The following FSD2 variants were observed in gnomAD, a reference collection of about 807,000 sequenced individuals.
FSD2 encodes fibronectin type III and SPRY domain containing 2.
In FSD2, 71 loss-of-function variants were observed where a neutral mutation model predicts 80.4. That is an observed-to-expected ratio of 0.88 (90% confidence interval 0.73 to 1.08). The LOEUF is 1.08. FSD2 is among the 50% of genes least tolerant of loss of function. The pLI is 0.00. For missense variants in FSD2, 923 were observed against 913.8 expected, an observed-to-expected ratio of 1.01 and a Z score of -0.13; for synonymous variants, 361 against 329.5, an observed-to-expected ratio of 1.10 and a Z score of -1.03.
At chr15:82,766,364 C>G (rs1247772145) in intron 9 of FSD2, among the ~76,000 whole-genome samples, 1 of 152,156 alleles carries the variant, frequency 6.6e-6, no homozygotes, top group Non-Finnish European at 1.5e-5. Flanking sequence ...TCCAGTGTGT[C>G]TCTGTCCGTC....
At chr15:82,804,146 T>G (rs945176543) in intron 1 of FSD2, among the ~76,000 whole-genome samples, 45 of 151,974 alleles carry the variant, frequency 3.0e-4, no homozygotes, top group African/African-American at 1.1e-3. Flanking sequence ...CACAGCAGTG[T>G]GGAATCATCC....
At position 82,778,279 on chromosome 15, in the gene FSD2, A is replaced by G. The variant is rs192756500; in HGVS notation, c.1111+487T>C. On this transcript the variant is annotated intron_variant, in intron 6 of 12. Transcript: ENST00000334574. Reference sequence around the variant, plus strand: ...TTATTCACAATAACCAAGACATGGAAACAACCTCAATGTCCATCAATAGAT... The same window carrying G: ...TTATTCACAATAACCAAGACATGGAGACAACCTCAATGTCCATCAATAGAT... Among the ~76,000 whole-genome samples the G allele has an allele frequency of 3.3e-5, 5 of 151,806 alleles. No homozygotes were observed. In the East Asian group the frequency reaches 9.7e-4, roughly 29 times the overall value.
intron 12 of FSD2, among the ~76,000 whole-genome samples, chr15:82,761,752 A>T (rs2049301631): frequency 6.6e-6 from 1 of 151,624 alleles, no homozygotes; most frequent in East Asian, 1.9e-4. Flanking sequence ...CAGGGCTCAA[A>T]CAATACTCCT....
At chr15:82,765,407 G>A in intron 10 of FSD2, 109 bp from the exon 11 acceptor site, 1 of 1,437,698 alleles carries the variant, frequency 7.0e-7, no homozygotes, top group Non-Finnish European at 9.5e-7. Context: ...GCCTGGACCT[G>A]GCCTAGTAAT....
At chr15:82,776,308 A>C (rs2049711579) in intron 6 of FSD2, among the ~76,000 whole-genome samples, 1 of 152,238 alleles carries the variant, frequency 6.6e-6, no homozygotes, top group Admixed American at 6.5e-5. Context: ...GATAATAACA[A>C]TAAAAGATAC....
intron 6 of FSD2, 141 bp from the exon 7 acceptor site, chr15:82,772,369 G>C: frequency 1.2e-6 from 1 of 809,064 alleles, no homozygotes; most frequent in Non-Finnish European, 1.9e-6. Flanking sequence ...AGACAAGGAT[G>C]GGGACATACA....
In FSD2 at chr15:82,760,173, T is replaced by C. The variant is rs12917248; in HGVS notation, c.1998-573A>G. 2.6e-5 allele frequency among the ~76,000 whole-genome samples: 4 copies of C among 152,132 alleles called. No individual in the cohort carries two copies. In the East Asian group the frequency reaches 7.7e-4, roughly 29 times the overall value. On this transcript the variant is annotated intron_variant, in intron 12 of 12. Coordinates refer to ENST00000334574, the MANE Select transcript of FSD2 (RefSeq NM_001007122.4). ...TACCTATAGCATCCTGAACTCTCTT[T>C]CATCTAAACTAGCATAGGAATAGAA...
rs746384503 is a variant in FSD2 at position 82,786,513 on chromosome 15, CCA to C, written c.731_732del (p.Val244GlyfsTer12). 20 of 1,611,324 alleles carry C rather than the reference CCA, an allele frequency of 1.2e-5. No individual in the cohort carries two copies. The highest frequency in any genetic ancestry group is 1.7e-5 in the Non-Finnish European group (20 of 1,177,996). ...ANHLEEVFIT[V>X]EENFGKQEQN... ...GAGGTCTTCAAGTGTGCTCTTACCTCCACAGTGATGAAAACCTCCTCCAAATG... is the reference window on the plus strand; with the variant it reads ...GAGGTCTTCAAGTGTGCTCTTACCTCCAGTGATGAAAACCTCCTCCAAATG... On this transcript the variant is annotated frameshift_variant, in exon 3 of 13. Coordinates refer to ENST00000334574, the MANE Select transcript of FSD2 (RefSeq NM_001007122.4). LOFTEE classifies it high-confidence loss of function.
At chr15:82,768,719 T>C (rs1182474481) in intron 9 of FSD2, among the ~76,000 whole-genome samples, 161 bp downstream of exon 9, 3 of 152,228 alleles carry the variant, frequency 2.0e-5, no homozygotes. Context: ...CCTTCAGTAA[T>C]AGCATTCCAG....
In FSD2 at chr15:82,772,067, C is replaced by A. The variant is rs780320846; in HGVS notation, c.1267+6G>T. ...GAGCACGGGCATGTTCCTGGCAGAG[C>A]CTCACCTGCTTGGTCCGTCCCAGGT... On this transcript the variant is annotated splice_donor_region_variant and intron_variant, in intron 7 of 12. Transcript: ENST00000334574. 1 of 1,549,264 alleles carries A rather than the reference C, an allele frequency of 6.5e-7. No homozygotes were observed. Among genetic ancestry groups the A allele is most frequent in the Non-Finnish European group, 8.7e-7 (1 of 1,154,142 alleles).
chr15:82,761,351 T>C (rs1351093980), intron 12 of FSD2, among the ~76,000 whole-genome samples: 2 of 152,134 alleles, frequency 1.3e-5, no homozygotes, highest in Non-Finnish European at 2.9e-5. Flanking sequence ...TTCGTGAGAC[T>C]TTTTTTCCCA....
chr15:82,805,000 C>T (rs1431564924), intron 1 of FSD2, among the ~76,000 whole-genome samples: 5 of 152,108 alleles, frequency 3.3e-5, no homozygotes, highest in African/African-American at 9.7e-5. Context: ...AGCAATTAGT[C>T]ATAGTCCATT....
At position 82,786,919 on chromosome 15, in the gene FSD2, T is replaced by C; in HGVS notation, c.472A>G (p.Ser158Gly). 3.1e-6 allele frequency: 5 copies of C among 1,614,036 alleles called. No individual in the cohort carries two copies. Among genetic ancestry groups the C allele is most frequent in the Non-Finnish European group, 4.2e-6 (5 of 1,179,898 alleles). ...EAYRYTHGRA[S>G]EEYECYVIPE... ...ATGACATAGCATTCATACTCCTCGCTGGCACGGCCGTGTGTGTACCTATAG... is the reference window on the plus strand; with the variant it reads ...ATGACATAGCATTCATACTCCTCGCCGGCACGGCCGTGTGTGTACCTATAG... The change falls in exon 2 of 13, where the codon AGC (serine) becomes GGC (glycine). Residue 158 changes from serine (S) to glycine (G), a missense_variant. By Grantham distance (56) the Ser-to-Gly change is moderately conservative (BLOSUM62 0). Coordinates refer to ENST00000334574, the MANE Select transcript of FSD2 (RefSeq NM_001007122.4).
At chr15:82,792,640 T>C (rs578223795) in intron 1 of FSD2, among the ~76,000 whole-genome samples, 2 of 151,810 alleles carry the variant, frequency 1.3e-5, no homozygotes, top group Non-Finnish European at 2.9e-5. Flanking sequence ...AGTTTATCTA[T>C]TTTTTTTGTT....
intron 1 of FSD2, among the ~76,000 whole-genome samples, chr15:82,794,726 C>CTT (rs56731193): frequency 8.9e-5 from 12 of 134,938 alleles, no homozygotes; most frequent in South Asian, 7.2e-4. Context: ...TGGCTCTTTT[C>CTT]TTTTTTTTTT....
At chr15:82,765,387 A>G (rs1184083628) in intron 10 of FSD2, 89 bp from the exon 11 acceptor site, 1 of 1,558,216 alleles carries the variant, frequency 6.4e-7, no homozygotes, top group African/African-American at 1.4e-5. Context: ...TTCGTGTGGG[A>G]TACACCTAAG....
In FSD2 at chr15:82,780,250, A is replaced by C; in HGVS notation, c.984T>G (p.Ala328=). The change falls in exon 5 of 13, where the codon GCT becomes GCG. Residue 328 remains alanine, a synonymous_variant. Transcript: ENST00000334574. ...TACTAGAACAAATGTATTACCTGTC[A>C]GCCATAGCCACTGCATCCTAAAAAG... ...VDFIKDAVAM[A]DRLGKFLKTK... is the part of the protein sequence containing the mutation. The C allele has an allele frequency of 1.3e-6, 2 of 1,507,276 alleles. No homozygotes were observed. Among genetic ancestry groups the C allele is most frequent in the East Asian group, 2.5e-5 (1 of 39,602 alleles). 93.4% of individuals were successfully genotyped at this position (1,507,276 alleles called of 1,614,324 possible).
In FSD2 at chr15:82,756,104, A is replaced by G. The variant is rs2151479696; in HGVS notation, c.*3244T>C. On this transcript the variant is annotated 3_prime_UTR_variant, in exon 13 of 13. Transcript: ENST00000334574. The stretch of plus-strand genomic sequence containing the variant: ...GCTTTCCATTGTCTTCCTATAGAAA[A>G]TAGGAGTAGTACACTTATAGATGAG... 2.2e-6 allele frequency: 1 copy of G among 451,586 alleles called. No homozygotes were observed. Among genetic ancestry groups the G allele is most frequent in the East Asian group, 5.8e-5 (1 of 17,264 alleles). 28.0% of individuals were successfully genotyped at this position (451,586 alleles called of 1,614,324 possible).
At chr15:82,789,219 C>T (rs1034928947) in intron 1 of FSD2, among the ~76,000 whole-genome samples, 1 of 151,904 alleles carries the variant, frequency 6.6e-6, no homozygotes, top group Non-Finnish European at 1.5e-5. Context: ...AAGCAGCCTT[C>T]AAAATGTTTA....
Sources: gnomAD v4.1 joint callset for allele counts (sites outside exome capture counted in the v4.1 genomes callset) on GRCh38, gnomAD v4.1.1 for gene constraint, MANE v1.5 for transcripts, NCBI Gene and HGNC (gene_info 2026-07-23, HGNC 2026-07-21) for gene names.